Variants in SGCD observed in about 807,000 individuals in gnomAD.
SGCD encodes delta-sarcoglycan.
Under a neutral mutation model 36.6 loss-of-function variants are expected in SGCD, and 18 were observed. The observed-to-expected ratio is 0.49, with a 90% CI of 0.34 to 0.73. The LOEUF (loss-of-function observed/expected upper bound fraction) is 0.73, where lower values mean the gene tolerates loss of function less well. Ranked by LOEUF, SGCD falls within the 30% of genes least tolerant of loss-of-function variation. SGCD has a pLI of 0.01. For synonymous variants in SGCD, 133 were observed against 130.6 expected (o/e 1.02, Z -0.12); for missense variants, 387 against 346.7 (o/e 1.12, Z -0.92).
At chr5:156,009,632 A>G (rs1758819111) in intron 1 of SGCD, among the ~76,000 whole-genome samples, 1 of 152,228 alleles carries the variant, frequency 6.6e-6, no homozygotes, top group Non-Finnish European at 1.5e-5. Context: ...GAATAAAGAA[A>G]CAATCAGGTT....
At chr5:156,577,191 T>C (rs1759998225) in intron 4 of SGCD, among the ~76,000 whole-genome samples, 1 of 152,240 alleles carries the variant, frequency 6.6e-6, no homozygotes, top group African/African-American at 2.4e-5. Context: ...TCCCCATTTC[T>C]TGTTTTTGTC....
chr5:155,865,818 G>A (rs1371571363), upstream of SGCD, among the ~76,000 whole-genome samples: 3 of 152,156 alleles, frequency 2.0e-5, no homozygotes, highest in African/African-American at 7.2e-5. Context: ...GCAGATGTAA[G>A]TTTTTCAAAA....
intron 3 of SGCD, among the ~76,000 whole-genome samples, chr5:156,248,376 C>G (rs892669572): frequency 6.6e-6 from 1 of 152,018 alleles, no homozygotes; most frequent in Non-Finnish European, 1.5e-5. Flanking sequence ...AAAAATTACC[C>G]GGGCGTGGTA....
chr5:155,932,481 C>T (rs144438406), intron 1 of SGCD, among the ~76,000 whole-genome samples: 6 of 152,254 alleles, frequency 3.9e-5, no homozygotes, highest in Non-Finnish European at 5.9e-5. Flanking sequence ...AAGTTAGCTT[C>T]GTATTCTGCA....
chr5:156,699,720 G>A (rs1031455281), intron 7 of SGCD, among the ~76,000 whole-genome samples: 2 of 152,080 alleles, frequency 1.3e-5, no homozygotes, highest in African/African-American at 4.8e-5. Context: ...TTATAATGAC[G>A]ACAAGATCCA....
At position 155,974,573 on chromosome 5, in the gene SGCD, C is replaced by T. The variant is rs941356696; in HGVS notation, c.-282+104149C>T. Among the ~76,000 whole-genome samples the T allele has an allele frequency of 4.1e-5, 6 of 147,252 alleles. 1 individual carries two copies. In the East Asian group the frequency reaches 1.1e-3, roughly 28 times the overall value. ...CCAGTAGCAGTGACCATGTAGTCAG[C>T]GATGTCTGGGGCCAGTAGTACTGCT... On this transcript the variant is annotated intron_variant, in intron 1 of 9. Coordinates refer to the SGCD transcript ENST00000517913.
chr5:156,222,750 A>C (rs1764747396), intron 3 of SGCD, among the ~76,000 whole-genome samples: 1 of 152,134 alleles, frequency 6.6e-6, no homozygotes, highest in African/African-American at 2.4e-5. Flanking sequence ...ACCTACTAAA[A>C]TAAAATATAA....
At chr5:155,805,826 C>A in the SGCD span, among the ~76,000 whole-genome samples, 1 of 152,134 alleles carries the variant, frequency 6.6e-6, no homozygotes, top group East Asian at 1.9e-4. Context: ...CTGGTGGAGT[C>A]ATTTACACTA....
At chr5:156,526,571 G>A (rs545285268) in intron 4 of SGCD, among the ~76,000 whole-genome samples, 1 of 152,128 alleles carries the variant, frequency 6.6e-6, no homozygotes, top group Non-Finnish European at 1.5e-5. Context: ...TCAGAAGGGT[G>A]CATTAGGCCT....
At chr5:155,949,308 A>C (rs1757505220) in intron 1 of SGCD, among the ~76,000 whole-genome samples, 1 of 152,158 alleles carries the variant, frequency 6.6e-6, no homozygotes, top group Non-Finnish European at 1.5e-5. Context: ...TACATAGCCT[A>C]GTGTCAAATG....
chr5:155,911,976 C>G (rs1005350393), intron 1 of SGCD, among the ~76,000 whole-genome samples: 1 of 152,076 alleles, frequency 6.6e-6, no homozygotes, highest in African/African-American at 2.4e-5. Flanking sequence ...ACATTGCCCA[C>G]TCTATCTCTT....
At chr5:155,804,953 C>A in the SGCD span, among the ~76,000 whole-genome samples, 3 of 152,196 alleles carry the variant, frequency 2.0e-5, no homozygotes, top group Non-Finnish European at 4.4e-5. Context: ...ATAGAACTTT[C>A]TGCAGTGTCC....
chr5:156,529,140 C>A (rs1757770053), intron 4 of SGCD, among the ~76,000 whole-genome samples: 1 of 151,924 alleles, frequency 6.6e-6, no homozygotes, highest in Non-Finnish European at 1.5e-5. Context: ...TTAAGAAAGG[C>A]ACATGGGCCG....
the SGCD span, among the ~76,000 whole-genome samples, chr5:155,815,114 G>A: frequency 1.6e-4 from 24 of 151,794 alleles, no homozygotes; most frequent in East Asian, 3.7e-3. Context: ...TTTTTATTTC[G>A]GACATATCTG....
At chr5:156,208,282 C>G (rs1479566487) in intron 3 of SGCD, among the ~76,000 whole-genome samples, 3 of 152,162 alleles carry the variant, frequency 2.0e-5, no homozygotes, top group African/African-American at 7.2e-5. Context: ...CAGTACAAAT[C>G]AGATGAAACA....
intron 3 of SGCD, among the ~76,000 whole-genome samples, chr5:156,236,562 G>T (rs575084103): frequency 6.6e-6 from 1 of 151,006 alleles, no homozygotes; most frequent in African/African-American, 2.4e-5. Context: ...CCATTCTCCT[G>T]CCTCAGCCTC....
At chr5:156,390,237 C>G (rs904464174) in intron 3 of SGCD, among the ~76,000 whole-genome samples, 2 of 151,516 alleles carry the variant, frequency 1.3e-5, no homozygotes, top group African/African-American at 4.9e-5. Context: ...TACATTTAAA[C>G]AGCCTCAGGC....
intron 3 of SGCD, among the ~76,000 whole-genome samples, chr5:156,282,004 C>A (rs1320894311): frequency 6.6e-6 from 1 of 151,802 alleles, no homozygotes; most frequent in African/African-American, 2.4e-5. Context: ...GCACTCTAGC[C>A]TGGGGGACAG....
chr5:156,098,001 CTGCAAGGGCA>C (rs958643025), intron 1 of SGCD, among the ~76,000 whole-genome samples: 34 of 152,318 alleles, frequency 2.2e-4, no homozygotes, highest in African/African-American at 8.2e-4. Flanking sequence ...CTTATACTGC[CTGCAAGGGCA>C]GGAGTTTCCC....
Sources: gnomAD v4.1 joint callset for allele counts (sites outside exome capture counted in the v4.1 genomes callset) on GRCh38, gnomAD v4.1.1 for gene constraint, MANE v1.5 for transcripts, NCBI Gene and HGNC (gene_info 2026-07-23, HGNC 2026-07-21) for gene names.